Variants in SLC9A9 observed in about 807,000 individuals in gnomAD.
SLC9A9 encodes solute carrier family 9 member A9.
SLC9A9 carries 62 observed loss-of-function variants against 77.8 expected under a neutral mutation model. That is an observed-to-expected ratio of 0.80 (90% CI 0.65 to 0.98). The LOEUF (loss-of-function observed/expected upper bound fraction) is 0.98, where lower values mean the gene tolerates loss of function less well. Ranked by LOEUF, SLC9A9 falls within the 50% of genes least tolerant of loss-of-function variation. SLC9A9 has a pLI of 0.00. For synonymous variants in SLC9A9, 320 were observed against 283.5 expected (o/e 1.13, Z -1.29); for missense variants, 775 against 774.9 (o/e 1.00, Z 0.00).
intron 4 of SLC9A9, among the ~76,000 whole-genome samples, chr3:143,703,647 A>G (rs1325171435): frequency 1.3e-5 from 2 of 152,156 alleles, no homozygotes; most frequent in African/African-American, 2.4e-5. Context: ...CTAATGATGT[A>G]TCTTAACGAA....
chr3:143,329,602 T>C (rs552646729), intron 14 of SLC9A9, among the ~76,000 whole-genome samples: 19 of 152,324 alleles, frequency 1.2e-4, no homozygotes, highest in Non-Finnish European at 2.4e-4. Flanking sequence ...CTGCTCCTCA[T>C]GGGCAGCTGC....
chr3:143,381,233 G>C (rs1351610827), intron 13 of SLC9A9: 1 of 152,156 alleles, frequency 6.6e-6, no homozygotes, highest in East Asian at 1.9e-4. Context: ...CCCATGTGTT[G>C]TGGGAGGAAC....
chr3:143,340,397 C>T (rs2032059467), intron 14 of SLC9A9, among the ~76,000 whole-genome samples: 1 of 152,226 alleles, frequency 6.6e-6, no homozygotes, highest in South Asian at 2.1e-4. Context: ...GCTGATTCAA[C>T]ATTAACTAGA....
chr3:143,759,571 C>A (rs928316159), intron 4 of SLC9A9, among the ~76,000 whole-genome samples: 2 of 151,916 alleles, frequency 1.3e-5, no homozygotes, highest in African/African-American at 4.8e-5. Context: ...GTGTCCAGAT[C>A]CTTTGAGTCC....
At chr3:143,597,990 G>A (rs575396858) in intron 6 of SLC9A9, among the ~76,000 whole-genome samples, 12 of 152,142 alleles carry the variant, frequency 7.9e-5, no homozygotes, top group Non-Finnish European at 1.6e-4. Flanking sequence ...AGTATCGAGA[G>A]CTGTTGTCAA....
chr3:143,486,425 G>T (rs1198868488), intron 11 of SLC9A9, among the ~76,000 whole-genome samples: 1 of 152,002 alleles, frequency 6.6e-6, no homozygotes, highest in East Asian at 1.9e-4. Context: ...TTATTGCATG[G>T]TTTGTAACTT....
chr3:143,529,382 TA>T (rs928537705), intron 9 of SLC9A9, among the ~76,000 whole-genome samples: 14 of 152,248 alleles, frequency 9.2e-5, no homozygotes, highest in African/African-American at 3.4e-4. Flanking sequence ...TGAGTTCTAT[TA>T]AAACATTTTT....
intron 14 of SLC9A9, among the ~76,000 whole-genome samples, chr3:143,290,345 G>A (rs2029900198): frequency 6.6e-6 from 1 of 152,196 alleles, no homozygotes; most frequent in Non-Finnish European, 1.5e-5. Context: ...TGATGACAGG[G>A]AATGACCAGT....
intron 9 of SLC9A9, among the ~76,000 whole-genome samples, chr3:143,546,616 A>G (rs1368857205): frequency 2.6e-5 from 4 of 152,198 alleles, no homozygotes; most frequent in Non-Finnish European, 5.9e-5. Flanking sequence ...ATGATACCCC[A>G]CAATTGGTGC....
intron 12 of SLC9A9, among the ~76,000 whole-genome samples, chr3:143,399,253 A>G (rs2033798201): frequency 6.6e-6 from 1 of 152,216 alleles, no homozygotes; most frequent in African/African-American, 2.4e-5. Context: ...AAAAGAGAAG[A>G]AAATAATTTT....
intron 4 of SLC9A9, among the ~76,000 whole-genome samples, chr3:143,762,342 T>C (rs1213705636): frequency 3.9e-5 from 6 of 152,014 alleles, no homozygotes; most frequent in Admixed American, 6.6e-5. Flanking sequence ...AAGTATAAAA[T>C]AATAATAATA....
At chr3:143,732,159 A>G (rs1168542571) in intron 4 of SLC9A9, among the ~76,000 whole-genome samples, 1 of 152,216 alleles carries the variant, frequency 6.6e-6, no homozygotes, top group Admixed American at 6.5e-5. Context: ...GAACTTGATG[A>G]CAACAGAAGG....
intron 12 of SLC9A9, among the ~76,000 whole-genome samples, chr3:143,392,162 A>G (rs1285068611): frequency 6.6e-6 from 1 of 152,202 alleles, no homozygotes; most frequent in African/African-American, 2.4e-5. Flanking sequence ...TATTCACCAA[A>G]GTTGAAATGA....
intron 8 of SLC9A9, among the ~76,000 whole-genome samples, chr3:143,554,994 A>G (rs1364859724): frequency 6.6e-6 from 1 of 151,922 alleles, no homozygotes; most frequent in Non-Finnish European, 1.5e-5. Context: ...TTATATATTT[A>G]TGTGTTTATT....
chr3:143,446,808 T>C (rs544318886), intron 12 of SLC9A9, among the ~76,000 whole-genome samples: 144 of 152,046 alleles, frequency 9.5e-4, no homozygotes, highest in African/African-American at 3.4e-3. Flanking sequence ...GAAGAAGAAA[T>C]AGGTGGTGTG....
rs563004500 is a variant in SLC9A9 at position 143,268,161 on chromosome 3, A to G, written c.1710+714T>C. 3.3e-5 allele frequency among the ~76,000 whole-genome samples: 5 copies of G among 152,224 alleles called. 1 individual carries two copies. Among genetic ancestry groups the G allele is most frequent in the African/African-American group, 1.2e-4 (5 of 41,552 alleles). On this transcript the variant is annotated intron_variant, in intron 15 of 15. Coordinates refer to ENST00000316549, the MANE Select transcript of SLC9A9 (RefSeq NM_173653.4). ...CACTTCTAAGGGTACTTGCAAACCTAAGACTGTGCTCTTCTCCAATTCCCT... is the reference window on the plus strand; with the variant it reads ...CACTTCTAAGGGTACTTGCAAACCTGAGACTGTGCTCTTCTCCAATTCCCT...
At chr3:143,411,633 C>T (rs2034097730) in intron 12 of SLC9A9, among the ~76,000 whole-genome samples, 1 of 152,172 alleles carries the variant, frequency 6.6e-6, no homozygotes, top group South Asian at 2.1e-4. Context: ...CCTTCCTGTA[C>T]TCTAATTATA....
At chr3:143,469,883 G>A (rs986206838) in intron 11 of SLC9A9, among the ~76,000 whole-genome samples, 1 of 152,130 alleles carries the variant, frequency 6.6e-6, no homozygotes, top group African/African-American at 2.4e-5. Flanking sequence ...TAATAAAAAA[G>A]TTCTTACACA....
At chr3:143,744,630 A>G (rs911681886) in intron 4 of SLC9A9, among the ~76,000 whole-genome samples, 1 of 152,210 alleles carries the variant, frequency 6.6e-6, no homozygotes, top group Non-Finnish European at 1.5e-5. Context: ...GATACTAACT[A>G]GAACTTACCA....
Sources: allele counts gnomAD v4.1 joint callset (sites outside exome capture counted in the v4.1 genomes callset), GRCh38; gene constraint gnomAD v4.1.1; transcripts MANE v1.5; gene names NCBI Gene and HGNC (gene_info 2026-07-23, HGNC 2026-07-21).